DNMT3B: variants seen among roughly 807,000 people sequenced by gnomAD.
DNMT3B encodes the protein DNA methyltransferase 3 beta, also known as DNA (cytosine-5)-methyltransferase 3B.
Under a neutral mutation model 120.2 loss-of-function variants are expected in DNMT3B, and 37 were observed. The ratio of observed to expected loss-of-function variants is 0.31; its 90% CI spans 0.24 to 0.40. The LOEUF is 0.40. Among genes scored for constraint, DNMT3B ranks in the 10% least tolerant of loss-of-function variants. The probability of loss-of-function intolerance (pLI) is 1.00; values close to 1 mark genes in which losing one functional copy is unlikely to be tolerated. For synonymous variants in DNMT3B, 412 were observed against 442.8 expected (o/e 0.93, Z 0.87); for missense variants, 878 against 1,137.3 (o/e 0.77, Z 3.28).
chr20:32,771,969 G>T (rs1440559246), intron 1 of DNMT3B, among the ~76,000 whole-genome samples: 3 of 152,218 alleles, frequency 2.0e-5, no homozygotes, highest in South Asian at 4.1e-4. Flanking sequence ...AGTTAGAGAA[G>T]AAATGCTGCA....
At chr20:32,779,027 G>A (rs972737371) in intron 1 of DNMT3B, among the ~76,000 whole-genome samples, 3 of 152,174 alleles carry the variant, frequency 2.0e-5, no homozygotes, top group African/African-American at 7.2e-5. Context: ...TCTGGCAGGG[G>A]CTGGTATGTC....
intron 1 of DNMT3B, among the ~76,000 whole-genome samples, chr20:32,779,565 T>C (rs1200634273): frequency 6.6e-6 from 1 of 152,138 alleles, no homozygotes; most frequent in African/African-American, 2.4e-5. Context: ...GGGGCAGCAG[T>C]GGGGAGGCCA....
intron 21 of DNMT3B, 90 bp from the exon 22 acceptor site, chr20:32,806,119 T>C: frequency 8.3e-7 from 1 of 1,200,462 alleles, no homozygotes; most frequent in Non-Finnish European, 1.2e-6. Flanking sequence ...ACCTGCGCTC[T>C]CCCCTCCATC....
intron 22 of DNMT3B, among the ~76,000 whole-genome samples, chr20:32,807,298 G>A (rs1982077998): frequency 6.6e-6 from 1 of 152,146 alleles, no homozygotes; most frequent in Non-Finnish European, 1.5e-5. Flanking sequence ...GATGCCATCT[G>A]CCTGGAGTCA....
intron 17 of DNMT3B, 110 bp downstream of exon 17, chr20:32,800,408 G>T: frequency 6.7e-7 from 1 of 1,488,156 alleles, no homozygotes; most frequent in South Asian, 1.2e-5. Context: ...CAGAAAAAAG[G>T]ATTGAAATCC....
At chr20:32,782,185 T>C (rs1268316825) in intron 3 of DNMT3B, among the ~76,000 whole-genome samples, 2 of 152,168 alleles carry the variant, frequency 1.3e-5, no homozygotes, top group African/African-American at 4.8e-5. Flanking sequence ...GATAAGTGTG[T>C]AGTTAAGATG....
rs550022433 is a variant in DNMT3B at position 32,808,964 on chromosome 20, CA to C, written c.*1064del. The C allele has an allele frequency of 2.0e-3, 431 of 220,650 alleles. 1 individual carries two copies. The highest frequency in any genetic ancestry group is 3.4e-3 in the Non-Finnish European group (376 of 110,036). 13.7% of individuals were successfully genotyped at this position (220,650 alleles called of 1,614,324 possible). A position where few individuals can be genotyped will look rare whatever the true frequency, so the allele number is the denominator to read the frequency against. The stretch of plus-strand genomic sequence containing the variant: ...ATCTGAGAGATGACAGGGAAAACTG[CA>C]AAGCTCGGTGCTCCCTTTGGAGATT... On this transcript the variant is annotated 3_prime_UTR_variant, in exon 23 of 23. Coordinates refer to ENST00000328111, the MANE Select transcript of DNMT3B (RefSeq NM_006892.4).
chr20:32,796,720 A>T, intron 12 of DNMT3B, 70 bp from the exon 13 acceptor site: 1 of 1,541,382 alleles, frequency 6.5e-7, no homozygotes, highest in African/African-American at 1.4e-5. Flanking sequence ...AGGAACTGAG[A>T]GACCCCAGGC....
intron 1 of DNMT3B, among the ~76,000 whole-genome samples, chr20:32,768,750 C>T (rs534152581): frequency 4.6e-5 from 7 of 152,266 alleles, no homozygotes; most frequent in Admixed American, 1.3e-4. Context: ...TACAGGCCCC[C>T]GCTCTTTTGT....
rs187238333 is a variant in DNMT3B at position 32,766,026 on chromosome 20, A to G, written c.-7+3327A>G. ...CCCGCCTTGGCCTCCCAAAGTGCTG[A>G]GATTACAGGCGTGAGCCACTGTGCC... On this transcript the variant is annotated intron_variant, in intron 1 of 22. Coordinates refer to ENST00000328111, the MANE Select transcript of DNMT3B (RefSeq NM_006892.4). Among the ~76,000 whole-genome samples, 1,054 of 152,056 alleles carry G rather than the reference A, an allele frequency of 6.9e-3. 9 individuals are homozygous for G. Among genetic ancestry groups the G allele is most frequent in the African/African-American group, 0.024 (997 of 41,454 alleles).
At position 32,787,975 on chromosome 20, in the gene DNMT3B, C is replaced by T. The variant is rs73258154; in HGVS notation, c.654+524C>T. ...CTCAGTGGGGGAGTTTTTTGAGCCACGAGGAGCCAGGAAAAGGGATTTCAC... is the reference window on the plus strand; with the variant it reads ...CTCAGTGGGGGAGTTTTTTGAGCCATGAGGAGCCAGGAAAAGGGATTTCAC... On this transcript the variant is annotated intron_variant, in intron 6 of 22. Coordinates refer to ENST00000328111, the MANE Select transcript of DNMT3B (RefSeq NM_006892.4). Among the ~76,000 whole-genome samples the T allele has an allele frequency of 2.1e-3, 317 of 152,026 alleles. 1 individual carries two copies. Among genetic ancestry groups the T allele is most frequent in the African/African-American group, 6.8e-3 (283 of 41,432 alleles).
rs192209471 is a variant in DNMT3B at position 32,767,660 on chromosome 20, C to G, written c.-7+4961C>G. Among the ~76,000 whole-genome samples, 8 of 152,280 alleles carry G rather than the reference C, an allele frequency of 5.3e-5. No individual in the cohort carries two copies. The East Asian group carries it at 1.5e-3, about 29-fold the overall frequency. ...CTATGTTGCCCCAGCTGGTCTCAAA[C>G]TCCTCGGCTCAAGCAATCCTGCCTC... On this transcript the variant is annotated intron_variant, in intron 1 of 22. Transcript: ENST00000328111.
At chr20:32,785,007 G>A (rs570667462) in intron 4 of DNMT3B, 148 bp downstream of exon 4, 10 of 798,676 alleles carry the variant, frequency 1.3e-5, no homozygotes, top group South Asian at 1.2e-4. Flanking sequence ...TATAAGCAAG[G>A]CTCTTGGACT....
At chr20:32,791,311 C>T (rs1394386971) in intron 7 of DNMT3B, among the ~76,000 whole-genome samples, 1 of 152,200 alleles carries the variant, frequency 6.6e-6, no homozygotes, top group African/African-American at 2.4e-5. Context: ...AAAATGTATA[C>T]AAACACAGGG....
intron 2 of DNMT3B, 75 bp from the exon 3 acceptor site, chr20:32,781,278 G>A: frequency 2.6e-6 from 4 of 1,521,980 alleles, no homozygotes; most frequent in Admixed American, 3.4e-5. Flanking sequence ...ACGGAGAAAA[G>A]CCCCTATTAG....
intron 7 of DNMT3B, among the ~76,000 whole-genome samples, chr20:32,789,404 G>A (rs1979703506): frequency 6.6e-6 from 1 of 152,180 alleles, no homozygotes; most frequent in African/African-American, 2.4e-5. Flanking sequence ...GGGAGAGAAA[G>A]GCATGGAGTT....
intron 1 of DNMT3B, among the ~76,000 whole-genome samples, chr20:32,772,199 T>G (rs951860480): frequency 6.6e-6 from 1 of 152,122 alleles, no homozygotes; most frequent in Non-Finnish European, 1.5e-5. Context: ...TGGCGAGAGC[T>G]TTGAACTGGG....
chr20:32,764,008 G>A (rs906814170), intron 1 of DNMT3B, among the ~76,000 whole-genome samples: 4 of 152,126 alleles, frequency 2.6e-5, no homozygotes, highest in Non-Finnish European at 5.9e-5. Context: ...CGCCAGGTGC[G>A]GACTTGATTT....
chr20:32,807,530 C>T (rs530765838), intron 22 of DNMT3B, among the ~76,000 whole-genome samples: 1 of 152,262 alleles, frequency 6.6e-6, no homozygotes, highest in Non-Finnish European at 1.5e-5. Context: ...CTCTGAGCAC[C>T]AACTCTATGC....
Sources: allele counts gnomAD v4.1 joint callset (sites outside exome capture counted in the v4.1 genomes callset), GRCh38; gene constraint gnomAD v4.1.1; transcripts MANE v1.5; gene names NCBI Gene and HGNC (gene_info 2026-07-23, HGNC 2026-07-21).